The following IKZF4 variants were observed in gnomAD, a reference collection of about 807,000 sequenced individuals.
The protein encoded by IKZF4 is IKAROS family zinc finger 4.
Under a neutral mutation model 47.7 loss-of-function variants are expected in IKZF4, and 11 were observed. The ratio of observed to expected loss-of-function variants is 0.23; its 90% confidence interval spans 0.15 to 0.38. The LOEUF (loss-of-function observed/expected upper bound fraction) is 0.38. Among genes scored for constraint, IKZF4 ranks in the 10% least tolerant of loss-of-function variants. The pLI is 1.00. For missense variants in IKZF4, 557 were observed against 784.9 expected (o/e 0.71, Z 3.47); for synonymous variants, 298 against 299.4 (o/e 1.00, Z 0.05).
At chr12:56,026,694 A>G in intron 3 of IKZF4, 87 bp from the exon 4 acceptor site, 8 of 1,241,224 alleles carry the variant, frequency 6.4e-6, no homozygotes. Flanking sequence ...CATCTCAAAA[A>G]AAAAAAAAAA....
intron 2 of IKZF4, chr12:56,024,005 C>G: frequency 1.2e-6 from 1 of 800,714 alleles, no homozygotes; most frequent in Middle Eastern, 6.4e-4. Context: ...TGTTGTGTCT[C>G]TGTGTGTGTT....
At chr12:56,017,681 A>G (rs887772287), upstream of IKZF4, among the ~76,000 whole-genome samples, 2 of 152,036 alleles carry the variant, frequency 1.3e-5, no homozygotes, top group Non-Finnish European at 2.9e-5. Flanking sequence ...GTTGTCTTTC[A>G]CCAGGACAAA....
At chr12:56,011,996 A>C (rs984106836) in intron 2 of IKZF4, among the ~76,000 whole-genome samples, 1 of 152,152 alleles carries the variant, frequency 6.6e-6, no homozygotes, top group Non-Finnish European at 1.5e-5. Context: ...GTAGAGGATG[A>C]TGCTGTGGGT....
At position 56,032,671 on chromosome 12, in the gene IKZF4, A is replaced by T. The variant is rs1895070972; in HGVS notation, c.826A>T (p.Ser276Cys). 6.2e-7 allele frequency: 1 copy of T among 1,613,916 alleles called. No homozygotes were observed. The highest frequency in any genetic ancestry group is 8.5e-7 in the Non-Finnish European group (1 of 1,179,896). The change falls in exon 6 of 8, where the codon AGT becomes TGT. Residue 276 changes from serine (S) to cysteine (C), a missense_variant. Ser to Cys is a moderately radical substitution (Grantham distance 112). Coordinates refer to ENST00000547167, the MANE Select transcript of IKZF4 (RefSeq NM_022465.4). ...GGAGCGGTGCCATAACTACCTACAG[A>T]GTCTCAGCACTGAAGCCCAAGCTTT... ...HKERCHNYLQSLSTEAQALAG... is the reference protein window; with the variant it reads ...HKERCHNYLQCLSTEAQALAG...
intron 2 of IKZF4, 185 bp downstream of exon 2, chr12:56,023,949 A>G: frequency 1.0e-6 from 1 of 983,760 alleles, no homozygotes; most frequent in Non-Finnish European, 1.2e-6. Flanking sequence ...GGCTACCAGT[A>G]TGTTTATCCC....
At position 56,037,776 on chromosome 12, in the gene IKZF4, C is replaced by T. The variant is rs1236762374; in HGVS notation, c.*2445C>T. ...GTCTTAGGTACAAAATCCTACTTTT[C>T]AGAGCCTTCCAGCTCTGGAACCTCA... On this transcript the variant is annotated 3_prime_UTR_variant, in exon 8 of 8. Coordinates refer to ENST00000547167, the MANE Select transcript of IKZF4 (RefSeq NM_022465.4). The T allele has an allele frequency of 2.0e-5, 3 of 152,380 alleles. No homozygotes were observed. Among genetic ancestry groups the T allele is most frequent in the Non-Finnish European group, 4.4e-5 (3 of 68,000 alleles). 9.4% of individuals were successfully genotyped at this position (152,380 alleles called of 1,614,324 possible).
At position 56,034,894 on chromosome 12, in the gene IKZF4, C is replaced by G. The variant is rs768068557; in HGVS notation, c.1321C>G (p.Pro441Ala). 6.2e-7 allele frequency: 1 copy of G among 1,606,986 alleles called. No individual in the cohort carries two copies. Among genetic ancestry groups the G allele is most frequent in the South Asian group, 1.1e-5 (1 of 90,434 alleles). The change falls in exon 8 of 8, where the codon CCC (proline) becomes GCC (alanine). Residue 441 changes from proline to alanine, a missense_variant. Pro to Ala is a conservative substitution (Grantham distance 27). Transcript: ENST00000547167. ...GGPLLYRPRG[P>A]LTDPGASPSN... ...TCCCCTCCTCTACCGGCCCCGAGGCCCCCTGACTGACCCTGGGGCATCCCC... is the reference window on the plus strand; with the variant it reads ...TCCCCTCCTCTACCGGCCCCGAGGCGCCCTGACTGACCCTGGGGCATCCCC...
At chr12:56,016,101 CATGTTT>C (rs1437158340), upstream of IKZF4, among the ~76,000 whole-genome samples, 1 of 140,258 alleles carries the variant, frequency 7.1e-6, no homozygotes, top group Non-Finnish European at 1.5e-5. Context: ...AAGGTAAGCG[CATGTTT>C]CAGGTTTTCT....
In IKZF4 at chr12:56,026,810, G is replaced by A. The variant is rs1396137836; in HGVS notation, c.316G>A (p.Asp106Asn). ...CTCCATCAAGGTGGAGATGTACAGCGATGAGGAGTCAAGCAGACTGCTGGG... is the reference window on the plus strand; with the variant it reads ...CTCCATCAAGGTGGAGATGTACAGCAATGAGGAGTCAAGCAGACTGCTGGG... ...ANSIKVEMYS[D>N]EESSRLLGPD... Residue 106 changes from aspartate (D) to asparagine (N), a missense_variant, in exon 4 of 8, where the codon GAT becomes AAT. This residue lies in a region of IKZF4 where 112 missense variants were observed against 168.2 expected (regional missense o/e 0.67). Coordinates refer to ENST00000547167, the MANE Select transcript of IKZF4 (RefSeq NM_022465.4). 7 of 1,603,266 alleles carry A rather than the reference G, an allele frequency of 4.4e-6. No individual in the cohort carries two copies. The African/African-American group carries it at 5.4e-5, about 12-fold the overall frequency.
Position 56,035,259 on chromosome 12 carries a change from C to T in IKZF4, c.1686C>T (p.Ile562=), listed in dbSNP as rs781313524. The part of the protein sequence containing the change: ...HGFRDPFECN[I]CGYHSQDRYE... ...TCAGAGACCCTTTTGAGTGCAACAT[C>T]TGTGGTTATCACAGCCAGGACCGGT... is the stretch of plus-strand genomic sequence containing the variant. Residue 562 remains isoleucine (I), a synonymous_variant, in exon 8 of 8, where the codon ATC becomes ATT. Transcript: ENST00000547167. The surrounding 1 kb of genome is among the most constrained non-coding windows in gnomAD (Gnocchi z 6.1). The T allele has an allele frequency of 6.2e-7, 1 of 1,614,170 alleles. No homozygotes were observed. Among genetic ancestry groups the T allele is most frequent in the Non-Finnish European group, 8.5e-7 (1 of 1,180,010 alleles).
intron 7 of IKZF4, among the ~76,000 whole-genome samples, 195 bp downstream of exon 7, chr12:56,033,516 G>C (rs1253222694): frequency 6.6e-6 from 1 of 152,066 alleles, no homozygotes; most frequent in African/African-American, 2.4e-5. Context: ...GACCATCCCG[G>C]TTAACACAGT....
In IKZF4 at chr12:56,021,539, C is replaced by A; in HGVS notation, c.46C>A (p.Arg16Ser). Residue 16 changes from arginine (R) to serine (S), a missense_variant, in exon 1 of 8, where the codon CGC becomes AGC. Coordinates refer to ENST00000547167, the MANE Select transcript of IKZF4 (RefSeq NM_022465.4). ...CCCTCGCCGTTTCCAAGGCGGCGGCCGCGTTCGCACCCCAGGGTCTCACCG... is the reference window on the plus strand; with the variant it reads ...CCCTCGCCGTTTCCAAGGCGGCGGCAGCGTTCGCACCCCAGGGTCTCACCG... Reference protein sequence around the residue: ...ALPRRFQGGGRVRTPGSHRQG... With the variant: ...ALPRRFQGGGSVRTPGSHRQG... 2 of 1,609,328 alleles carry A rather than the reference C, an allele frequency of 1.2e-6. No homozygotes were observed. Among genetic ancestry groups the A allele is most frequent in the East Asian group, 2.2e-5 (1 of 44,622 alleles).
chr12:56,035,045 G>C lies in IKZF4; in HGVS notation c.1472G>C (p.Ser491Thr). Residue 491 changes from serine (S) to threonine (T), a missense_variant, in exon 8 of 8, where the codon AGT becomes ACT. Around this residue, in one of 6 missense-constraint regions of IKZF4, gnomAD observed 280 missense variants for 314.0 expected, o/e 0.89. Coordinates refer to ENST00000547167, the MANE Select transcript of IKZF4 (RefSeq NM_022465.4). The surrounding 1 kb of genome is among the most constrained non-coding windows in gnomAD (Gnocchi z 6.1). ...PPPTIVVGRHSPAYAKEDPKP... is the reference protein window; with the variant it reads ...PPPTIVVGRHTPAYAKEDPKP... ...CCCACCATTGTGGTGGGCCGGCACA[G>C]TCCTGCCTACGCCAAAGAGGACCCC... is the stretch of plus-strand genomic sequence containing the variant. The C allele has an allele frequency of 1.9e-6, 3 of 1,575,798 alleles. No individual in the cohort carries two copies. The highest frequency in any genetic ancestry group is 2.6e-6 in the Non-Finnish European group (3 of 1,160,200).
rs1049294076 is a variant in IKZF4 at position 56,033,741 on chromosome 12, A to G, written c.997+420A>G. On this transcript the variant is annotated intron_variant, in intron 7 of 7. Transcript: ENST00000547167. ...AAAAAAGAAAAAAGGAAAGAAAGAAAGCAGGCTGGTGGCCTCTGATACTGA... is the reference window on the plus strand; with the variant it reads ...AAAAAAGAAAAAAGGAAAGAAAGAAGGCAGGCTGGTGGCCTCTGATACTGA... Among the ~76,000 whole-genome samples the G allele has an allele frequency of 1.2e-4, 18 of 152,082 alleles. No homozygotes were observed. The East Asian group carries it at 1.5e-3, about 13-fold the overall frequency.
upstream of IKZF4, chr12:56,018,326 C>G: frequency 2.2e-6 from 1 of 445,300 alleles, no homozygotes; most frequent in Non-Finnish European, 3.9e-6. Context: ...TGGTAGTGTG[C>G]AATTATTTTG....
intron 6 of IKZF4, among the ~76,000 whole-genome samples, chr12:56,032,933 G>C (rs986192615): frequency 6.6e-6 from 1 of 152,112 alleles, no homozygotes; most frequent in African/African-American, 2.4e-5. Context: ...GGGAAGTTTG[G>C]GTCTATATCC....
At chr12:56,010,662 T>C (rs761372823) in intron 1 of IKZF4, 1 of 152,148 alleles carries the variant, frequency 6.6e-6, no homozygotes, top group African/African-American at 2.4e-5. Context: ...TTTAATATAG[T>C]GTTCCAGTGG....
In IKZF4 at chr12:56,035,529, T is replaced by C. The variant is rs548477829; in HGVS notation, c.*198T>C. The C allele has an allele frequency of 2.6e-5, 13 of 495,026 alleles. No individual in the cohort carries two copies. The highest frequency in any genetic ancestry group is 3.9e-5 in the Non-Finnish European group (11 of 284,300). 30.7% of individuals were successfully genotyped at this position (495,026 alleles called of 1,614,324 possible). On this transcript the variant is annotated 3_prime_UTR_variant, in exon 8 of 8. Coordinates refer to ENST00000547167, the MANE Select transcript of IKZF4 (RefSeq NM_022465.4). This position sits in a 1 kb window ranked among gnomAD's most constrained non-coding sequence, Gnocchi z 6.1. The stretch of plus-strand genomic sequence containing the variant: ...TGTAAGCATTGTGATGAAACAGATC[T>C]TTTGCTTATGTTTTTCCTTTTTATC...
At position 56,025,196 on chromosome 12, in the gene IKZF4, C is replaced by T. The variant is rs545303092; in HGVS notation, c.286+38C>T. On this transcript the variant is annotated intron_variant, in intron 3 of 7. Coordinates refer to ENST00000547167, the MANE Select transcript of IKZF4 (RefSeq NM_022465.4). The stretch of plus-strand genomic sequence containing the variant: ...TCCTACCACCTCCTGGCAGTAGGCA[C>T]CCCCTGTTGCATTTGGCCTTCAATT... 76 of 1,493,000 alleles carry T rather than the reference C, an allele frequency of 5.1e-5. No individual in the cohort carries two copies. The East Asian group carries it at 1.3e-3, about 25-fold the overall frequency. The allele number at this position is 1,493,000 out of a possible 1,614,324, so 92.5% of individuals were successfully genotyped here. A position where few individuals can be genotyped will look rare whatever the true frequency, so the allele number is the denominator to read the frequency against.
Sources: gnomAD v4.1 joint callset for allele counts (sites outside exome capture counted in the v4.1 genomes callset) on GRCh38, gnomAD v4.1.1 for gene constraint, gnomAD v4.1.1 regional missense constraint, Gnocchi (gnomAD v3.1) non-coding constraint, MANE v1.5 for transcripts, NCBI Gene and HGNC (gene_info 2026-07-23, HGNC 2026-07-21) for gene names.